CENPN: variants seen among roughly 807,000 people sequenced by gnomAD.
CENPN encodes centromere protein N, also known as interphase centromere complex protein 32.
In CENPN, 36 loss-of-function variants were observed where a neutral mutation model predicts 48.6. The observed-to-expected ratio is 0.74, with a 90% CI of 0.57 to 0.98. CENPN has a LOEUF of 0.98. CENPN is among the 50% of genes least tolerant of loss of function. The pLI is 0.00. For synonymous variants in CENPN, 166 were observed against 135.2 expected (o/e 1.23, Z -1.58); for missense variants, 439 against 399.2 (o/e 1.10, Z -0.85).
intron 4 of CENPN, 125 bp downstream of exon 4, chr16:81,017,510 C>CAAA: frequency 1.8e-6 from 1 of 569,874 alleles, no homozygotes; most frequent in East Asian, 3.1e-5. Flanking sequence ...ACTCTATATC[C>CAAA]AAAAAAAAAA....
chr16:81,012,073 A>C lies in CENPN; in HGVS notation c.134A>C (p.Lys45Thr). 1 of 1,614,184 alleles carries C rather than the reference A, an allele frequency of 6.2e-7. No individual in the cohort carries two copies. The highest frequency in any genetic ancestry group is 8.5e-7 in the Non-Finnish European group (1 of 1,180,020). The change falls in exon 2 of 11, where the codon AAG becomes ACG. Residue 45 changes from lysine to threonine, a missense_variant. Transcript: ENST00000305850. ...QLQTVNFRQRKESVVQHLIHL... is the reference protein window; with the variant it reads ...QLQTVNFRQRTESVVQHLIHL... ...CAGACTGTAAATTTCCGACAGAGAA[A>C]GGAATCTGTAGTTCAGCACTTGATC...
intron 1 of CENPN, among the ~76,000 whole-genome samples, chr16:81,008,629 G>A (rs751166619): frequency 4.3e-4 from 66 of 152,066 alleles, no homozygotes; most frequent in Non-Finnish European, 6.9e-4. Context: ...CGCCCGGCGC[G>A]CTCCCGGCCC....
In CENPN at chr16:81,012,109, A is replaced by C; in HGVS notation, c.170A>C (p.Glu57Ala). The C allele has an allele frequency of 6.2e-7, 1 of 1,613,774 alleles. No individual in the cohort carries two copies. Among genetic ancestry groups the C allele is most frequent in the East Asian group, 2.2e-5 (1 of 44,866 alleles). ...SVVQHLIHLC[E>A]EKRASISDAA... ...GTTCAGCACTTGATCCATCTGTGTG[A>C]GGTAACAGTGTTAAAAATGATGAGC... The change falls in exon 2 of 11, where the codon GAG becomes GCG. Residue 57 changes from glutamate (E) to alanine (A), a missense_variant and splice_region_variant. Coordinates refer to ENST00000305850, the MANE Select transcript of CENPN (RefSeq NM_001100624.3).
intron 8 of CENPN, among the ~76,000 whole-genome samples, chr16:81,026,167 G>GTGTATATATATGTGTGTGTATATATA (rs1970478712): frequency 4.1e-5 from 6 of 144,944 alleles, no homozygotes; most frequent in Admixed American, 2.1e-4. Flanking sequence ...GTATATATAT[G>GTGTATATATATGTGTGTGTATATATA]TGTATATATA....
chr16:81,011,005 G>A (rs536638235), intron 1 of CENPN, among the ~76,000 whole-genome samples: 55 of 152,322 alleles, frequency 3.6e-4, no homozygotes, highest in African/African-American at 1.3e-3. Flanking sequence ...TCAGCACCTT[G>A]CAGAGTGAAA....
intron 2 of CENPN, among the ~76,000 whole-genome samples, chr16:81,013,317 G>C (rs1969815521): frequency 6.6e-6 from 1 of 152,174 alleles, no homozygotes; most frequent in Non-Finnish European, 1.5e-5. Context: ...TAAACCTCTA[G>C]AAAATGCAAA....
intron 2 of CENPN, among the ~76,000 whole-genome samples, chr16:81,012,604 A>T (rs1329858503): frequency 2.6e-5 from 4 of 151,940 alleles, no homozygotes; most frequent in Non-Finnish European, 5.9e-5. Context: ...TTTATTTTTT[A>T]TTTATTTTTG....
At chr16:81,014,071 T>G in intron 2 of CENPN, 65 bp from the exon 3 acceptor site, 4 of 1,323,680 alleles carry the variant, frequency 3.0e-6, no homozygotes, top group Non-Finnish European at 4.4e-6. Context: ...TCCTAAAATG[T>G]GTTTTAAACG....
chr16:81,022,523 C>A, intron 6 of CENPN, 74 bp from the exon 7 acceptor site: 1 of 1,266,364 alleles, frequency 7.9e-7, no homozygotes, highest in Admixed American at 1.9e-5. Flanking sequence ...GCAGCTCTTA[C>A]ATTTTACTTT....
chr16:81,012,670 A>C (rs1030135745), intron 2 of CENPN, among the ~76,000 whole-genome samples: 4 of 151,972 alleles, frequency 2.6e-5, no homozygotes, highest in Admixed American at 2.6e-4. Flanking sequence ...AACTCAGCTT[A>C]CTGCAACCTC....
In CENPN at chr16:81,017,697, G is replaced by T. The variant is rs954498521; in HGVS notation, c.278-61G>T. The T allele has an allele frequency of 3.5e-6, 4 of 1,143,632 alleles. No homozygotes were observed. The African/African-American group carries it at 4.7e-5, about 13-fold the overall frequency. 70.8% of individuals were successfully genotyped at this position (1,143,632 alleles called of 1,614,324 possible). Reference sequence around the variant, plus strand: ...CTTAGTTTCATGGTACTTTACGAATGTATTTACTGAAGACATTGTAGCTCC... The same window carrying T: ...CTTAGTTTCATGGTACTTTACGAATTTATTTACTGAAGACATTGTAGCTCC... On this transcript the variant is annotated intron_variant, in intron 4 of 10. Transcript: ENST00000305850.
At chr16:81,017,500 A>C in intron 4 of CENPN, 115 bp downstream of exon 4, 1 of 743,460 alleles carries the variant, frequency 1.3e-6, no homozygotes, top group Non-Finnish European at 2.3e-6. Context: ...ACAGAGCAAG[A>C]CTCTATATCC....
intron 1 of CENPN, among the ~76,000 whole-genome samples, chr16:81,008,843 C>T (rs1969619488): frequency 6.6e-6 from 1 of 152,212 alleles, no homozygotes; most frequent in Admixed American, 6.5e-5. Flanking sequence ...AAACATCGTC[C>T]TGCCCTGGAG....
At chr16:81,012,686 C>T (rs1356374350) in intron 2 of CENPN, among the ~76,000 whole-genome samples, 1 of 152,210 alleles carries the variant, frequency 6.6e-6, no homozygotes. Flanking sequence ...ACCTCTGCCT[C>T]CCAGGTTCTA....
rs775580864 is a variant in CENPN at position 81,026,561 on chromosome 16, A to G, written c.733A>G (p.Lys245Glu). 7.5e-6 allele frequency: 12 copies of G among 1,605,550 alleles called. No homozygotes were observed. The Admixed American group carries it at 1.5e-4, about 20-fold the overall frequency. ...GATCATTCATGAAAACATAGTAGAA[A>G]AAGAGAGAGTCCAACGAATAACTCA... ...SRIIHENIVE[K>E]ERVQRITQET... Residue 245 changes from lysine (K) to glutamate (E), a missense_variant, in exon 9 of 11, where the codon AAA (lysine) becomes GAA (glutamate). Transcript: ENST00000305850.
chr16:81,029,425 G>GAGACCCT lies in CENPN; in HGVS notation c.*774_*775insAGACCCT. On this transcript the variant is annotated 3_prime_UTR_variant, in exon 11 of 11. Transcript: ENST00000305850. ...TTTCTTTATTTATTTATTGAGACAG[G>GAGACCCT]GTCTCACTGTGTCACCCAAGCTGGA... 2 of 451,676 alleles carry GAGACCCT rather than the reference G, an allele frequency of 4.4e-6. No individual in the cohort carries two copies. The highest frequency in any genetic ancestry group is 5.8e-6 in the Non-Finnish European group (2 of 342,552). The allele number at this position is 451,676 out of a possible 1,614,324, so 28.0% of individuals were successfully genotyped here.
chr16:81,020,106 G>C lies in CENPN; in HGVS notation c.361G>C (p.Val121Leu). The C allele has an allele frequency of 6.3e-7, 1 of 1,599,766 alleles. No individual in the cohort carries two copies. The highest frequency in any genetic ancestry group is 1.4e-5 in the African/African-American group (1 of 73,706). ...ILQRALKNVT[V>L]SFRETEENAV... ...TTTTTTTTTCTTTAATAAGGTGACA[G>C]TCAGCTTCAGAGAAACTGAGGAGAA... Residue 121 changes from valine to leucine, a missense_variant, in exon 6 of 11, where the codon GTC (valine) becomes CTC (leucine). Coordinates refer to ENST00000305850, the MANE Select transcript of CENPN (RefSeq NM_001100624.3).
At chr16:81,018,060 C>T (rs927407046) in intron 5 of CENPN, among the ~76,000 whole-genome samples, 2 of 152,140 alleles carry the variant, frequency 1.3e-5, no homozygotes, top group Non-Finnish European at 2.9e-5. Flanking sequence ...GGAGCTCAGT[C>T]CAACAGAGCT....
At position 81,017,759 on chromosome 16, in the gene CENPN, T is replaced by C; in HGVS notation, c.279T>C (p.Gly93=). ...WEVFQMSKGP[G]EDVDLFDMKQ... Reference sequence around the variant, plus strand: ...TTTATTTTTTTTTCACTTTGGCAGGTGAAGATGTTGACCTTTTTGATATGA... The same window carrying C: ...TTTATTTTTTTTTCACTTTGGCAGGCGAAGATGTTGACCTTTTTGATATGA... Residue 93 remains glycine, a splice_region_variant and synonymous_variant, in exon 5 of 11, where the codon GGT becomes GGC. Coordinates refer to ENST00000305850, the MANE Select transcript of CENPN (RefSeq NM_001100624.3). 6.3e-7 allele frequency: 1 copy of C among 1,587,242 alleles called. No individual in the cohort carries two copies. Among genetic ancestry groups the C allele is most frequent in the Admixed American group, 1.9e-5 (1 of 53,762 alleles).
Sources: allele counts gnomAD v4.1 joint callset (sites outside exome capture counted in the v4.1 genomes callset), GRCh38; gene constraint gnomAD v4.1.1; transcripts MANE v1.5; gene names NCBI Gene and HGNC (gene_info 2026-07-23, HGNC 2026-07-21).